RBFOX1: variants seen among roughly 807,000 people sequenced by gnomAD.
The protein encoded by RBFOX1 is RNA binding fox-1 homolog 1, also known as RNA binding protein fox-1 homolog 1.
A neutral mutation model predicts 57.7 loss-of-function variants in RBFOX1; 8 were observed. The ratio of observed to expected loss-of-function variants is 0.14; its 90% CI spans 0.08 to 0.25. The LOEUF (loss-of-function observed/expected upper bound fraction) is 0.25. Among genes scored for constraint, RBFOX1 ranks in the 10% least tolerant of loss-of-function variants. The pLI is 1.00. For synonymous variants in RBFOX1, 326 were observed against 222.4 expected (o/e 1.47, Z -4.15); for missense variants, 611 against 548.5 (o/e 1.11, Z -1.14).
At chr16:7,237,842 C>G (rs1232795206) in intron 4 of RBFOX1, among the ~76,000 whole-genome samples, 13 of 152,064 alleles carry the variant, frequency 8.5e-5, no homozygotes, top group Non-Finnish European at 1.6e-4. Flanking sequence ...CTCAACTACT[C>G]AAAATAGAAA....
At chr16:5,686,712 T>C (rs536453041) in intron 3 of RBFOX1, among the ~76,000 whole-genome samples, 2 of 152,296 alleles carry the variant, frequency 1.3e-5, no homozygotes, top group South Asian at 4.1e-4. Flanking sequence ...CTAACTCTCA[T>C]AGTGGAAATT....
chr16:6,426,839 C>T (rs2093943143), intron 2 of RBFOX1, among the ~76,000 whole-genome samples: 1 of 152,176 alleles, frequency 6.6e-6, no homozygotes, highest in African/African-American at 2.4e-5. Context: ...CTGGGTTCTG[C>T]CCATAGCAGG....
At chr16:5,931,939 C>T (rs1489341177) in intron 4 of RBFOX1, among the ~76,000 whole-genome samples, 1 of 152,030 alleles carries the variant, frequency 6.6e-6, no homozygotes, top group Admixed American at 6.6e-5. Flanking sequence ...TCCCAAGTAG[C>T]TGGGACAACA....
chr16:6,608,230 T>C (rs2097975457), intron 2 of RBFOX1, among the ~76,000 whole-genome samples: 1 of 152,200 alleles, frequency 6.6e-6, no homozygotes, highest in South Asian at 2.1e-4. Flanking sequence ...TAAGGCAGCA[T>C]TGGTTTGTGT....
chr16:5,932,752 C>G (rs887021346), intron 4 of RBFOX1, among the ~76,000 whole-genome samples: 4 of 152,164 alleles, frequency 2.6e-5, no homozygotes, highest in Non-Finnish European at 4.4e-5. Flanking sequence ...TCCCAATTCT[C>G]TATAAACGTG....
intron 2 of RBFOX1, among the ~76,000 whole-genome samples, chr16:6,390,741 C>T (rs934132241): frequency 6.6e-6 from 1 of 152,110 alleles, no homozygotes; most frequent in Non-Finnish European, 1.5e-5. Context: ...TAGGGAGCAC[C>T]TATAAATATC....
intron 3 of RBFOX1, among the ~76,000 whole-genome samples, chr16:6,831,148 G>C (rs2092681448): frequency 6.6e-6 from 1 of 152,150 alleles, no homozygotes; most frequent in South Asian, 2.1e-4. Context: ...AAGCGGTTTT[G>C]CTCATTATAA....
At chr16:6,749,692 A>G (rs1038211338) in intron 3 of RBFOX1, among the ~76,000 whole-genome samples, 1 of 152,228 alleles carries the variant, frequency 6.6e-6, no homozygotes, top group Non-Finnish European at 1.5e-5. Flanking sequence ...ACCTCAGTAA[A>G]TAATAAGCCC....
intron 1 of RBFOX1, among the ~76,000 whole-genome samples, chr16:5,289,937 G>A (rs563657086): frequency 3.9e-4 from 59 of 152,320 alleles, no homozygotes; most frequent in African/African-American, 1.3e-3. Flanking sequence ...TCATAGCAGC[G>A]TTATTCATAA....
chr16:6,873,213 C>T (rs1018589921), intron 3 of RBFOX1, among the ~76,000 whole-genome samples: 2 of 151,510 alleles, frequency 1.3e-5, no homozygotes, highest in Admixed American at 6.6e-5. Flanking sequence ...TTTTTGCCTC[C>T]TTTTTCATTT....
intron 4 of RBFOX1, among the ~76,000 whole-genome samples, chr16:7,080,031 T>A (rs1326781024): frequency 1.2e-5 from 1 of 82,246 alleles, no homozygotes; most frequent in East Asian, 6.2e-4. Context: ...TACGTATATA[T>A]GTATATAGAT....
At chr16:6,316,956 T>C (rs2081191065) in intron 1 of RBFOX1, 39 bp from the exon 2 acceptor site, 18 of 1,505,516 alleles carry the variant, frequency 1.2e-5, no homozygotes, top group Non-Finnish European at 1.6e-5. Flanking sequence ...CAAGAATACA[T>C]TTCTTGATAC....
intron 4 of RBFOX1, among the ~76,000 whole-genome samples, chr16:7,333,962 C>T (rs542760138): frequency 1.5e-4 from 23 of 152,250 alleles, no homozygotes; most frequent in Non-Finnish European, 2.8e-4. Context: ...TTCTGTATCT[C>T]CTTTCTACAG....
chr16:7,489,128 C>G (rs1422185108), intron 4 of RBFOX1, among the ~76,000 whole-genome samples: 1 of 152,176 alleles, frequency 6.6e-6, no homozygotes, highest in Non-Finnish European at 1.5e-5. Flanking sequence ...GTCCAAATCT[C>G]TCTGTTTCTC....
intron 3 of RBFOX1, among the ~76,000 whole-genome samples, chr16:7,002,890 C>G (rs116715866): frequency 0.022 from 3,359 of 152,032 alleles, 128 homozygotes; most frequent in African/African-American, 0.075. Flanking sequence ...TAAGATAAGG[C>G]TAGAAATCAG....
intron 2 of RBFOX1, among the ~76,000 whole-genome samples, chr16:6,517,041 C>G (rs1445557355): frequency 6.6e-6 from 1 of 152,136 alleles, no homozygotes; most frequent in East Asian, 1.9e-4. Flanking sequence ...ATGAATGTTC[C>G]TTTTAGCCTC....
intron 4 of RBFOX1, among the ~76,000 whole-genome samples, chr16:7,423,683 G>T (rs1225703518): frequency 6.6e-6 from 1 of 152,144 alleles, no homozygotes; most frequent in Non-Finnish European, 1.5e-5. Flanking sequence ...TCTGGGTTCT[G>T]ATTCGCTGAC....
intron 4 of RBFOX1, among the ~76,000 whole-genome samples, chr16:7,073,189 A>C (rs2057673675): frequency 6.6e-6 from 1 of 152,214 alleles, no homozygotes; most frequent in African/African-American, 2.4e-5. Context: ...CTGTCTTTGT[A>C]GTCTGTGATC....
intron 1 of RBFOX1, among the ~76,000 whole-genome samples, chr16:6,182,274 T>C (rs557982956): frequency 3.1e-4 from 47 of 152,336 alleles, no homozygotes; most frequent in Non-Finnish European, 5.9e-4. Flanking sequence ...TGGCTTCTAA[T>C]TTAGTTTTTT....
Sources: gnomAD v4.1 joint callset for allele counts (sites outside exome capture counted in the v4.1 genomes callset) on GRCh38, gnomAD v4.1.1 for gene constraint, MANE v1.5 for transcripts, NCBI Gene and HGNC (gene_info 2026-07-23, HGNC 2026-07-21) for gene names.